IFT52: variants seen among roughly 807,000 people sequenced by gnomAD.
IFT52 encodes the protein intraflagellar transport protein 52 homolog.
Under a neutral mutation model 54.4 loss-of-function variants are expected in IFT52, and 44 were observed. The ratio of observed to expected loss-of-function variants is 0.81; its 90% CI spans 0.63 to 1.04. The LOEUF is 1.04. Among genes scored for constraint, IFT52 ranks in the 50% least tolerant of loss-of-function variants. IFT52 has a pLI of 0.00. For missense variants in IFT52, 452 were observed against 523.6 expected (o/e 0.86, Z 1.33); for synonymous variants, 181 against 185.3 (o/e 0.98, Z 0.19).
At chr20:43,591,374 T>G (rs145921501) in intron 1 of IFT52, among the ~76,000 whole-genome samples, 1 of 152,342 alleles carries the variant, frequency 6.6e-6, no homozygotes, top group Non-Finnish European at 1.5e-5. Context: ...AATACTGATT[T>G]GACTGGTAAT....
intron 10 of IFT52, among the ~76,000 whole-genome samples, chr20:43,632,774 A>G (rs2145660907): frequency 6.6e-6 from 1 of 152,356 alleles, no homozygotes; most frequent in African/African-American, 2.4e-5. Flanking sequence ...TGCCAGAAAC[A>G]GATTTCAGAT....
At chr20:43,601,306 G>A (rs1982422315) in intron 3 of IFT52, among the ~76,000 whole-genome samples, 1 of 152,092 alleles carries the variant, frequency 6.6e-6, no homozygotes, top group Non-Finnish European at 1.5e-5. Context: ...CACATTTGCT[G>A]CCACACTAAC....
chr20:43,616,062 T>G (rs1983835910), intron 7 of IFT52, among the ~76,000 whole-genome samples: 1 of 152,216 alleles, frequency 6.6e-6, no homozygotes, highest in Admixed American at 6.5e-5. Flanking sequence ...ATGTGTGTAT[T>G]TATGTCTCTT....
intron 3 of IFT52, among the ~76,000 whole-genome samples, chr20:43,602,265 A>G (rs1414568970): frequency 6.6e-6 from 1 of 151,586 alleles, no homozygotes; most frequent in Non-Finnish European, 1.5e-5. Context: ...CCCAGGTTCA[A>G]CTGATTCTCC....
chr20:43,610,488 CT>C (rs1301905102), intron 6 of IFT52, among the ~76,000 whole-genome samples: 1 of 151,456 alleles, frequency 6.6e-6, no homozygotes, highest in African/African-American at 2.4e-5. Context: ...AATTCCAGCA[CT>C]TTGGGAGGCT....
intron 12 of IFT52, among the ~76,000 whole-genome samples, chr20:43,638,195 T>A (rs960734739): frequency 1.0e-3 from 4 of 3,934 alleles, no homozygotes; most frequent in South Asian, 8.6e-3. Context: ...GAGATTATAT[T>A]TTTTTTTTTT....
intron 1 of IFT52, among the ~76,000 whole-genome samples, chr20:43,591,422 T>C (rs1353707773): frequency 6.6e-6 from 1 of 152,232 alleles, no homozygotes; most frequent in Non-Finnish European, 1.5e-5. Flanking sequence ...TTTGGCAGCG[T>C]TACCCAAATA....
At chr20:43,634,782 C>T (rs145674825) in intron 10 of IFT52, among the ~76,000 whole-genome samples, 60 of 152,146 alleles carry the variant, frequency 3.9e-4, no homozygotes, top group African/African-American at 1.4e-3. Context: ...TTTCCCGATC[C>T]TCTCCCTCCT....
chr20:43,634,061 T>C (rs1358304699), intron 10 of IFT52, among the ~76,000 whole-genome samples: 1 of 151,992 alleles, frequency 6.6e-6, no homozygotes, highest in African/African-American at 2.4e-5. Context: ...TAGTCCTGGC[T>C]ACTCAGGAGG....
chr20:43,633,132 T>A (rs992503028), intron 10 of IFT52, among the ~76,000 whole-genome samples: 2 of 150,752 alleles, frequency 1.3e-5, no homozygotes, highest in African/African-American at 4.9e-5. Context: ...TCACCTGAGG[T>A]TGGGAGTTCG....
At chr20:43,627,797 GGCTC>G (rs1413533816) in intron 10 of IFT52, among the ~76,000 whole-genome samples, 1 of 151,830 alleles carries the variant, frequency 6.6e-6, no homozygotes, top group East Asian at 1.9e-4. Context: ...GGAACTCCTG[GGCTC>G]AAGCAGTCCT....
In IFT52 at chr20:43,619,015, A is replaced by T; in HGVS notation, c.688A>T (p.Ser230Cys). The change falls in exon 8 of 14, where the codon AGC becomes TGC. Residue 230 changes from serine to cysteine, a missense_variant. Coordinates refer to ENST00000373030, the MANE Select transcript of IFT52 (RefSeq NM_016004.5). ...TCAATATTTGGACAAAGAAGAAAAC[A>T]GCAAAATCATGGTAAGCTTTTTCTT... ...SDQYLDKEENSKIMDVVFQWL... is the reference protein window; with the variant it reads ...SDQYLDKEENCKIMDVVFQWL... 1 of 1,609,084 alleles carries T rather than the reference A, an allele frequency of 6.2e-7. No individual in the cohort carries two copies. The highest frequency in any genetic ancestry group is 8.5e-7 in the Non-Finnish European group (1 of 1,175,670).
chr20:43,629,780 C>T (rs1328386595), intron 10 of IFT52, among the ~76,000 whole-genome samples: 1 of 152,210 alleles, frequency 6.6e-6, no homozygotes, highest in Non-Finnish European at 1.5e-5. Flanking sequence ...CCTCTCATCT[C>T]CCCTTCCTTC....
intron 6 of IFT52, among the ~76,000 whole-genome samples, chr20:43,608,849 A>G (rs1357040484): frequency 6.6e-6 from 1 of 152,200 alleles, no homozygotes; most frequent in Non-Finnish European, 1.5e-5. Flanking sequence ...CAGAGGTGGC[A>G]GTGAGCCGAG....
At chr20:43,611,709 G>C (rs1240362250) in intron 6 of IFT52, among the ~76,000 whole-genome samples, 1 of 151,728 alleles carries the variant, frequency 6.6e-6, no homozygotes, top group African/African-American at 2.4e-5. Flanking sequence ...TTTTTTAGTA[G>C]TAATAAAAGA....
Position 43,604,533 on chromosome 20 carries a change from A to C in IFT52, c.413+275A>C, listed in dbSNP as rs548916396. Among the ~76,000 whole-genome samples, 5 of 152,226 alleles carry C rather than the reference A, an allele frequency of 3.3e-5. No individual in the cohort carries two copies. In the East Asian group the frequency reaches 9.6e-4, roughly 29 times the overall value. ...AGAGGTTGCATTGAGCTGAGATTGC[A>C]CCATTGTACTCTGGCCTGGCTGACA... On this transcript the variant is annotated intron_variant, in intron 5 of 13. Coordinates refer to ENST00000373030, the MANE Select transcript of IFT52 (RefSeq NM_016004.5).
intron 13 of IFT52, among the ~76,000 whole-genome samples, chr20:43,646,342 T>C (rs1374503517): frequency 6.6e-6 from 1 of 152,196 alleles, no homozygotes; most frequent in African/African-American, 2.4e-5. Flanking sequence ...AATTAGGTTC[T>C]GAGCCTCTCC....
intron 3 of IFT52, among the ~76,000 whole-genome samples, chr20:43,602,326 G>A (rs1037295897): frequency 6.6e-6 from 1 of 151,536 alleles, no homozygotes; most frequent in African/African-American, 2.4e-5. Flanking sequence ...CCCCACACCT[G>A]GCTATTTGTA....
intron 13 of IFT52, among the ~76,000 whole-genome samples, chr20:43,644,979 T>C (rs1277671019): frequency 1.9e-5 from 1 of 53,180 alleles, no homozygotes; most frequent in African/African-American, 5.5e-5. Context: ...TGGTGGCCCG[T>C]GCCTGTAGTC....
Sources: allele counts gnomAD v4.1 joint callset (sites outside exome capture counted in the v4.1 genomes callset), GRCh38; gene constraint gnomAD v4.1.1; transcripts MANE v1.5; gene names NCBI Gene and HGNC (gene_info 2026-07-23, HGNC 2026-07-21).